The following CADPS variants were observed in gnomAD, a reference collection of about 807,000 sequenced individuals.
The protein encoded by CADPS is calcium-dependent secretion activator 1.
Under a neutral mutation model 167.3 loss-of-function variants are expected in CADPS, and 57 were observed. That is an observed-to-expected ratio of 0.34 (90% CI 0.28 to 0.42). The LOEUF is 0.42. Ranked by LOEUF, CADPS falls within the 20% of genes least tolerant of loss-of-function variation. The pLI, the probability that CADPS is intolerant of heterozygous loss-of-function variation, is 1.00. For synonymous variants in CADPS, 676 were observed against 635.3 expected, an observed-to-expected ratio of 1.06 and a Z score of -0.96; for missense variants, 1,414 against 1,738.1, an observed-to-expected ratio of 0.81 and a Z score of 3.32.
chr3:62,502,885 G>C (rs2066007234), intron 17 of CADPS, among the ~76,000 whole-genome samples: 1 of 152,036 alleles, frequency 6.6e-6, no homozygotes, highest in Non-Finnish European at 1.5e-5. Flanking sequence ...TAAAGACAAA[G>C]TGACTTTAAC....
chr3:62,474,393 G>C (rs1041817562), intron 23 of CADPS, 73 bp from the exon 24 acceptor site: 4 of 1,437,256 alleles, frequency 2.8e-6, no homozygotes, highest in Non-Finnish European at 3.9e-6. Flanking sequence ...TTTTCTGAGA[G>C]GTCAGTGAAA....
intron 6 of CADPS, among the ~76,000 whole-genome samples, chr3:62,593,525 A>G (rs745950253): frequency 4.6e-5 from 7 of 152,160 alleles, no homozygotes; most frequent in Non-Finnish European, 8.8e-5. Flanking sequence ...GTGATCTTCC[A>G]GAAGTGTTAA....
chr3:62,787,038 A>C (rs1032339834), intron 1 of CADPS, among the ~76,000 whole-genome samples: 3 of 152,178 alleles, frequency 2.0e-5, no homozygotes, highest in African/African-American at 7.2e-5. Flanking sequence ...TCATGTCTGT[A>C]ATCTCAACAC....
At chr3:62,640,967 C>A (rs913929103) in intron 6 of CADPS, among the ~76,000 whole-genome samples, 1 of 151,922 alleles carries the variant, frequency 6.6e-6, no homozygotes, top group Non-Finnish European at 1.5e-5. Flanking sequence ...CTTTATTTGC[C>A]TACCATCTTC....
At chr3:62,553,893 T>C (rs1156446204) in intron 10 of CADPS, among the ~76,000 whole-genome samples, 1 of 152,178 alleles carries the variant, frequency 6.6e-6, no homozygotes, top group Non-Finnish European at 1.5e-5. Context: ...TGACCTCAAA[T>C]GGGCTCTCCT....
intron 3 of CADPS, among the ~76,000 whole-genome samples, chr3:62,698,720 CT>C (rs1188280172): frequency 1.4e-5 from 2 of 143,614 alleles, no homozygotes; most frequent in Non-Finnish European, 3.0e-5. Flanking sequence ...CTTTCCTTTC[CT>C]CCCCACTTCC....
At chr3:62,790,908 T>C (rs2092875479) in intron 1 of CADPS, among the ~76,000 whole-genome samples, 1 of 152,046 alleles carries the variant, frequency 6.6e-6, no homozygotes, top group African/African-American at 2.4e-5. Flanking sequence ...AATAAAGTTC[T>C]GATGCTTTTG....
At chr3:62,799,147 G>A (rs922818052) in intron 1 of CADPS, among the ~76,000 whole-genome samples, 1 of 152,224 alleles carries the variant, frequency 6.6e-6, no homozygotes. Flanking sequence ...ATGCTTCACA[G>A]ACTGTGCTTC....
At chr3:62,571,321 C>T (rs2081248702) in intron 8 of CADPS, among the ~76,000 whole-genome samples, 1 of 152,176 alleles carries the variant, frequency 6.6e-6, no homozygotes, top group South Asian at 2.1e-4. Flanking sequence ...AAGTTTCACT[C>T]AGGAAAACCT....
At chr3:62,460,757 G>T (rs937350352) in intron 26 of CADPS, among the ~76,000 whole-genome samples, 3 of 152,192 alleles carry the variant, frequency 2.0e-5, no homozygotes, top group African/African-American at 7.2e-5. Flanking sequence ...TTTCCAGGTG[G>T]CAAGACAATC....
intron 5 of CADPS, among the ~76,000 whole-genome samples, chr3:62,646,305 C>G (rs988120326): frequency 1.3e-5 from 2 of 151,636 alleles, no homozygotes; most frequent in African/African-American, 4.8e-5. Context: ...GCTGGGATTA[C>G]AGGTGCACGC....
chr3:62,846,857 AG>A lies in CADPS; in HGVS notation c.441+27731del, dbSNP rs1315982455. 1.1e-4 allele frequency among the ~76,000 whole-genome samples: 16 copies of A among 152,202 alleles called. No homozygotes were observed. In the East Asian group the frequency reaches 3.1e-3, roughly 30 times the overall value. The stretch of plus-strand genomic sequence containing the variant: ...AAATTTTTGTATTTTTAGTAGAGAC[AG>A]GGTTTCGCCATGTTGGTCAGGCTAT... On this transcript the variant is annotated intron_variant, in intron 1 of 29. Coordinates refer to ENST00000383710, the MANE Select transcript of CADPS (RefSeq NM_003716.4).
rs775850925 is a variant in CADPS, at chr3:62,420,861, AAC to A, written c.3777+17241_3777+17242del. ...TTTTCTCTTTATGGGAGGGAGAACGAACACACACACACACACACACACACACA... is the reference window on the plus strand; with the variant it reads ...TTTTCTCTTTATGGGAGGGAGAACGAACACACACACACACACACACACACA... On this transcript the variant is annotated intron_variant, in intron 28 of 29. Coordinates refer to ENST00000383710, the MANE Select transcript of CADPS (RefSeq NM_003716.4). This position sits in a 1 kb window ranked among gnomAD's most constrained non-coding sequence, Gnocchi z 4.1. 0.2 allele frequency among the ~76,000 whole-genome samples: 26,573 copies of A among 133,644 alleles called. 2,775 individuals are homozygous for A. Among genetic ancestry groups the A allele is most frequent in the Admixed American group, 0.27 (3,600 of 13,494 alleles). 87.7% of individuals were successfully genotyped at this position (133,644 alleles called of 152,430 possible). A position where few individuals can be genotyped will look rare whatever the true frequency, so the allele number is the denominator to read the frequency against.
intron 1 of CADPS, among the ~76,000 whole-genome samples, chr3:62,766,989 G>A (rs2087058111): frequency 6.6e-6 from 1 of 152,100 alleles, no homozygotes; most frequent in Admixed American, 6.5e-5. Context: ...CAGACACTCA[G>A]GGCTGATTAC....
At chr3:62,581,216 C>T (rs144599447) in intron 8 of CADPS, among the ~76,000 whole-genome samples, 2,217 of 152,122 alleles carry the variant, frequency 0.015, 58 homozygotes, top group African/African-American at 0.046. Context: ...TGAAGCTAAC[C>T]GCCAAATCTG....
intron 1 of CADPS, among the ~76,000 whole-genome samples, chr3:62,860,205 T>G (rs116342735): frequency 0.016 from 2,505 of 152,266 alleles, 33 homozygotes; most frequent in East Asian, 0.069. Flanking sequence ...GTTCCTCAGC[T>G]GCAAATGCAG....
intron 3 of CADPS, among the ~76,000 whole-genome samples, chr3:62,724,068 T>G (rs73107665): frequency 6.6e-6 from 1 of 152,318 alleles, no homozygotes; most frequent in Non-Finnish European, 1.5e-5. Flanking sequence ...TGCAAGCACT[T>G]AACCTTGATG....
chr3:62,800,076 G>A (rs746319526), intron 1 of CADPS, among the ~76,000 whole-genome samples: 2 of 152,134 alleles, frequency 1.3e-5, no homozygotes, highest in South Asian at 2.1e-4. Context: ...CACACTGTTT[G>A]TGGGATCTGC....
intron 1 of CADPS, among the ~76,000 whole-genome samples, chr3:62,788,006 G>A (rs2092616901): frequency 6.6e-6 from 1 of 152,070 alleles, no homozygotes; most frequent in Non-Finnish European, 1.5e-5. Flanking sequence ...AATCTTCAAT[G>A]TGTCTTTAAT....
Sources: gnomAD v4.1 joint callset for allele counts (sites outside exome capture counted in the v4.1 genomes callset) on GRCh38, gnomAD v4.1.1 for gene constraint, Gnocchi (gnomAD v3.1) non-coding constraint, MANE v1.5 for transcripts, NCBI Gene and HGNC (gene_info 2026-07-23, HGNC 2026-07-21) for gene names.